PTPRT: variants seen among roughly 807,000 people sequenced by gnomAD.
The protein encoded by PTPRT is receptor-type tyrosine-protein phosphatase T.
A neutral mutation model predicts 176.8 loss-of-function variants in PTPRT; 56 were observed. That is an observed-to-expected ratio of 0.32 (90% confidence interval 0.26 to 0.40). The LOEUF (loss-of-function observed/expected upper bound fraction) is 0.40, where lower values mean the gene tolerates loss of function less well. PTPRT is among the 10% of genes least tolerant of loss of function. The pLI, the probability that PTPRT is intolerant of heterozygous loss-of-function variation, is 1.00. For missense variants in PTPRT, 1,540 were observed against 1,908.2 expected (o/e 0.81, Z 3.60); for synonymous variants, 783 against 739.0 (o/e 1.06, Z -0.96).
chr20:42,957,693 C>A (rs1981722801), intron 1 of PTPRT, among the ~76,000 whole-genome samples: 1 of 152,136 alleles, frequency 6.6e-6, no homozygotes, highest in Non-Finnish European at 1.5e-5. Flanking sequence ...CATTAATAAA[C>A]CTTCTAGTAC....
At chr20:42,415,796 T>A (rs2059060838) in intron 9 of PTPRT, among the ~76,000 whole-genome samples, 1 of 152,208 alleles carries the variant, frequency 6.6e-6, no homozygotes, top group African/African-American at 2.4e-5. Context: ...TGATGCTGTA[T>A]GAGGATGGTC....
At chr20:42,059,876 A>G in the PTPRT span, among the ~76,000 whole-genome samples, 54,575 of 152,064 alleles carry the variant, frequency 0.36, 9,989 homozygotes, top group African/African-American at 0.39. Context: ...CCATAACTCA[A>G]GTAATCCTTT....
chr20:42,504,919 A>G (rs1415749553), intron 7 of PTPRT, among the ~76,000 whole-genome samples: 1 of 152,190 alleles, frequency 6.6e-6, no homozygotes, highest in Non-Finnish European at 1.5e-5. Context: ...AGTAGAAATA[A>G]GTTATGCATA....
At chr20:43,140,638 T>A (rs1166395196) in intron 1 of PTPRT, among the ~76,000 whole-genome samples, 1 of 152,168 alleles carries the variant, frequency 6.6e-6, no homozygotes, top group Non-Finnish European at 1.5e-5. Flanking sequence ...CTATTTCACT[T>A]CATCTGCTTT....
chr20:42,351,069 T>A (rs2061776923), intron 10 of PTPRT, among the ~76,000 whole-genome samples: 2 of 151,768 alleles, frequency 1.3e-5, no homozygotes, highest in South Asian at 4.2e-4. Context: ...GCCAAACACA[T>A]TTAAAATGCA....
intron 7 of PTPRT, among the ~76,000 whole-genome samples, chr20:42,557,337 T>C (rs182126636): frequency 7.6e-4 from 116 of 152,216 alleles, no homozygotes; most frequent in African/African-American, 2.7e-3. Flanking sequence ...ATGTACAGAA[T>C]GGCTACTCTG....
intron 1 of PTPRT, among the ~76,000 whole-genome samples, chr20:42,919,560 A>G (rs1279516920): frequency 6.6e-6 from 1 of 152,094 alleles, no homozygotes; most frequent in Non-Finnish European, 1.5e-5. Flanking sequence ...TGGCAAGCAT[A>G]GATTCACATC....
intron 1 of PTPRT, among the ~76,000 whole-genome samples, chr20:43,093,145 T>C (rs1325519155): frequency 1.3e-5 from 2 of 152,238 alleles, no homozygotes; most frequent in East Asian, 3.9e-4. Flanking sequence ...AAAACAAACA[T>C]TAAAAGAAAA....
At chr20:42,258,249 C>T (rs1293991854) in intron 13 of PTPRT, among the ~76,000 whole-genome samples, 1 of 152,160 alleles carries the variant, frequency 6.6e-6, no homozygotes, top group Non-Finnish European at 1.5e-5. Flanking sequence ...TCCTCTCATG[C>T]CCTCGCACCC....
chr20:42,270,104 T>A (rs1268010683), intron 13 of PTPRT, among the ~76,000 whole-genome samples: 1 of 152,114 alleles, frequency 6.6e-6, no homozygotes, highest in East Asian at 1.9e-4. Flanking sequence ...ACATATCTTC[T>A]TTTGCTCATC....
chr20:43,153,020 GAAA>G (rs2014409561), intron 1 of PTPRT, among the ~76,000 whole-genome samples: 1 of 152,030 alleles, frequency 6.6e-6, no homozygotes, highest in African/African-American at 2.4e-5. Context: ...TGCTAGCCAA[GAAA>G]ATTTAGGGTA....
chr20:42,981,713 C>G (rs1866144258), intron 1 of PTPRT, among the ~76,000 whole-genome samples: 2 of 152,200 alleles, frequency 1.3e-5, no homozygotes, highest in African/African-American at 4.8e-5. Context: ...GAAGAATAAC[C>G]ACCTACTGGA....
At chr20:42,316,046 T>G in intron 11 of PTPRT, 50 bp from the exon 12 acceptor site, 1 of 1,593,792 alleles carries the variant, frequency 6.3e-7, no homozygotes, top group Non-Finnish European at 8.6e-7. Flanking sequence ...TCTGGAAGAA[T>G]GAGCTTGTTA....
chr20:42,189,562 A>C (rs1990912887), intron 16 of PTPRT, among the ~76,000 whole-genome samples: 1 of 152,226 alleles, frequency 6.6e-6, no homozygotes, highest in Non-Finnish European at 1.5e-5. Context: ...TGAAAAGTAT[A>C]ATTCAATTTG....
At chr20:42,050,072 A>T in the PTPRT span, among the ~76,000 whole-genome samples, 1 of 152,216 alleles carries the variant, frequency 6.6e-6, no homozygotes, top group Non-Finnish European at 1.5e-5. Flanking sequence ...AACTCCAGGG[A>T]TGCTTGCATG....
intron 14 of PTPRT, among the ~76,000 whole-genome samples, chr20:42,236,645 C>T (rs2056249891): frequency 6.8e-6 from 1 of 147,656 alleles, no homozygotes; most frequent in Admixed American, 6.9e-5. Flanking sequence ...ATTGGATCAG[C>T]TCTCTGTGGC....
At chr20:43,051,625 TAAAAAAAAAAAA>T (rs35885799) in intron 1 of PTPRT, among the ~76,000 whole-genome samples, 1 of 91,980 alleles carries the variant, frequency 1.1e-5, no homozygotes, top group Non-Finnish European at 2.0e-5. Context: ...TCTGTAACTG[TAAAAAAAAAAAA>T]AAAAAAAAAA....
chr20:42,552,834 T>C (rs1427739162), intron 7 of PTPRT, among the ~76,000 whole-genome samples: 3 of 152,134 alleles, frequency 2.0e-5, no homozygotes, highest in Non-Finnish European at 4.4e-5. Context: ...CCAGGAAGCA[T>C]GAACAACAGT....
In PTPRT at chr20:42,924,311, G is replaced by A; in HGVS notation, c.89-38379C>T. Reference sequence around the variant, plus strand: ...TTGGGTTTAAAGCAGCATGCAGCTAGCTAGGAAGGCCATGGCATTTGTGTG... The same window carrying A: ...TTGGGTTTAAAGCAGCATGCAGCTAACTAGGAAGGCCATGGCATTTGTGTG... On this transcript the variant is annotated intron_variant, in intron 1 of 30. Transcript: ENST00000373187. Among the ~76,000 whole-genome samples, 2 of 152,184 alleles carry A rather than the reference G, an allele frequency of 1.3e-5. 1 individual carries two copies. Among genetic ancestry groups the A allele is most frequent in the Non-Finnish European group, 2.9e-5 (2 of 68,030 alleles).
Sources: gnomAD v4.1 joint callset for allele counts (sites outside exome capture counted in the v4.1 genomes callset) on GRCh38, gnomAD v4.1.1 for gene constraint, MANE v1.5 for transcripts, NCBI Gene and HGNC (gene_info 2026-07-23, HGNC 2026-07-21) for gene names.